The following MAPKAPK5 variants were observed in gnomAD, a reference collection of about 807,000 sequenced individuals.
MAPKAPK5 encodes MAP kinase-activated protein kinase 5.
MAPKAPK5 carries 30 observed loss-of-function variants against 65.1 expected under a neutral mutation model. That is an observed-to-expected ratio of 0.46 (90% CI 0.34 to 0.63). The LOEUF (loss-of-function observed/expected upper bound fraction) is 0.63. MAPKAPK5 is among the 20% of genes least tolerant of loss of function. The pLI is 0.01. For synonymous variants in MAPKAPK5, 179 were observed against 204.6 expected, an observed-to-expected ratio of 0.87 and a Z score of 1.07; for missense variants, 433 against 581.4, an observed-to-expected ratio of 0.74 and a Z score of 2.63.
At chr12:111,844,808 A>G (rs1483379205) in intron 1 of MAPKAPK5, among the ~76,000 whole-genome samples, 3 of 152,224 alleles carry the variant, frequency 2.0e-5, no homozygotes, top group Non-Finnish European at 4.4e-5. Flanking sequence ...CCACTGTCTC[A>G]GGGAAGAGTA....
At chr12:111,892,918 C>T in intron 13 of MAPKAPK5, 49 bp from the exon 14 acceptor site, 1 of 1,371,424 alleles carries the variant, frequency 7.3e-7, no homozygotes, top group Non-Finnish European at 1.0e-6. Context: ...AAGAGTCTGC[C>T]ACCTCTCAAA....
At chr12:111,870,156 A>T in intron 5 of MAPKAPK5, 115 bp from the exon 6 acceptor site, 1 of 534,678 alleles carries the variant, frequency 1.9e-6, no homozygotes, top group Non-Finnish European at 3.2e-6. Flanking sequence ...TTAAAATTGA[A>T]AGTGAACGCA....
At chr12:111,844,970 C>G (rs187929898) in intron 1 of MAPKAPK5, among the ~76,000 whole-genome samples, 1 of 152,122 alleles carries the variant, frequency 6.6e-6, no homozygotes, top group South Asian at 2.1e-4. Context: ...TGTAGGCCAT[C>G]GTAAGAACTT....
At chr12:111,892,933 T>G in intron 13 of MAPKAPK5, 34 bp from the exon 14 acceptor site, 1 of 1,491,376 alleles carries the variant, frequency 6.7e-7, no homozygotes, top group Non-Finnish European at 9.1e-7. Flanking sequence ...CTCAAAGAAT[T>G]TGAGGACTGA....
rs1163585299 is a variant in MAPKAPK5, at chr12:111,880,487, G to C, written c.620G>C (p.Gly207Ala). The change falls in exon 8 of 14, where the codon GGC becomes GCC. Residue 207 changes from glycine to alanine, a missense_variant. Physicochemically the swap from Gly to Ala is moderately conservative, Grantham distance 60 (BLOSUM62 0). This residue lies in a region of MAPKAPK5 where 99 missense variants were observed against 185.8 expected (regional missense o/e 0.53). Coordinates refer to ENST00000550735, the MANE Select transcript of MAPKAPK5 (RefSeq NM_003668.4). Reference sequence around the variant, plus strand: ...AGAAGGCATCAGAAGGAGAAATCTGGCATCATACCTACCTCACCGACGCCC... The same window carrying C: ...AGAAGGCATCAGAAGGAGAAATCTGCCATCATACCTACCTCACCGACGCCC... ...AQRRHQKEKS[G>A]IIPTSPTPYT... The C allele has an allele frequency of 6.2e-7, 1 of 1,612,276 alleles. No individual in the cohort carries two copies. Among genetic ancestry groups the C allele is most frequent in the Non-Finnish European group, 8.5e-7 (1 of 1,179,284 alleles).
intron 1 of MAPKAPK5, among the ~76,000 whole-genome samples, chr12:111,855,863 T>A (rs572933114): frequency 6.6e-6 from 1 of 151,640 alleles, no homozygotes; most frequent in Non-Finnish European, 1.5e-5. Context: ...CTTTTTTTTT[T>A]TTTTTTCTTG....
chr12:111,899,660 C>G lies in MAPKAPK5; in HGVS notation c.*6599C>G, dbSNP rs776656555. 2 of 297,456 alleles carry G rather than the reference C, an allele frequency of 6.7e-6. No homozygotes were observed. The highest frequency in any genetic ancestry group is 1.4e-5 in the Non-Finnish European group (2 of 147,694). The allele number at this position is 297,456 out of a possible 1,614,324, so 18.4% of individuals were successfully genotyped here. On this transcript the variant is annotated 3_prime_UTR_variant, in exon 14 of 14. Coordinates refer to ENST00000550735, the MANE Select transcript of MAPKAPK5 (RefSeq NM_003668.4). ...CAGTCTACAGTTACCACAATGGCCTCCTGGGGCAAGAATCGCCTTTCATCT... is the reference window on the plus strand; with the variant it reads ...CAGTCTACAGTTACCACAATGGCCTGCTGGGGCAAGAATCGCCTTTCATCT...
At chr12:111,865,373 T>G in intron 2 of MAPKAPK5, 50 bp downstream of exon 2, 1 of 1,280,278 alleles carries the variant, frequency 7.8e-7, no homozygotes, top group South Asian at 1.3e-5. Flanking sequence ...ATGTGCAAAC[T>G]CTGAGAAGGG....
chr12:111,873,989 G>A (rs2069868971), intron 7 of MAPKAPK5, among the ~76,000 whole-genome samples: 1 of 152,040 alleles, frequency 6.6e-6, no homozygotes, highest in South Asian at 2.1e-4. Context: ...CATTTGTTTA[G>A]GTCTTTAATT....
chr12:111,863,900 C>A (rs1041639826), intron 1 of MAPKAPK5, among the ~76,000 whole-genome samples: 1 of 151,946 alleles, frequency 6.6e-6, no homozygotes, highest in Non-Finnish European at 1.5e-5. Flanking sequence ...CCACTGTGCC[C>A]GGCAGGATTT....
At chr12:111,867,699 C>A in intron 4 of MAPKAPK5, 30 bp downstream of exon 4, 2 of 1,542,292 alleles carry the variant, frequency 1.3e-6, no homozygotes, top group Non-Finnish European at 1.8e-6. Flanking sequence ...TCATCAAATG[C>A]CCACATGTAG....
rs2136047402 is a variant in MAPKAPK5, at chr12:111,842,466, G to A, written c.-268G>A. 3 of 304,826 alleles carry A rather than the reference G, an allele frequency of 9.8e-6. No homozygotes were observed. The East Asian group carries it at 1.6e-4, about 16-fold the overall frequency. The allele number at this position is 304,826 out of a possible 1,614,324, so 18.9% of individuals were successfully genotyped here. On this transcript the variant is annotated 5_prime_UTR_variant, in exon 1 of 14. Coordinates refer to ENST00000550735, the MANE Select transcript of MAPKAPK5 (RefSeq NM_003668.4). Reference sequence around the variant, plus strand: ...AGCCTGCCTCCCCAGCTGGGGATGAGGCTAGGAGGCGGCCGCGTGGGGCCC... The same window carrying A: ...AGCCTGCCTCCCCAGCTGGGGATGAAGCTAGGAGGCGGCCGCGTGGGGCCC...
intron 1 of MAPKAPK5, among the ~76,000 whole-genome samples, chr12:111,858,104 C>T (rs2069304651): frequency 6.6e-6 from 1 of 152,044 alleles, no homozygotes; most frequent in African/African-American, 2.4e-5. Flanking sequence ...GGAGTTTTGC[C>T]ATGTTGCCCA....
At chr12:111,857,775 T>C (rs1211029504) in intron 1 of MAPKAPK5, among the ~76,000 whole-genome samples, 3 of 152,256 alleles carry the variant, frequency 2.0e-5, no homozygotes, top group Non-Finnish European at 4.4e-5. Flanking sequence ...TACTGTCTTC[T>C]GGCTTGCATT....
rs764132402 is a variant in MAPKAPK5 at position 111,865,340 on chromosome 12, A to C, written c.110+17A>C. 2.6e-6 allele frequency: 4 copies of C among 1,561,780 alleles called. No homozygotes were observed. The East Asian group carries it at 9.2e-5, about 36-fold the overall frequency. ...TCCAGTTAGGTAAGAGATCCATATGAGAAACTATGGCAAATTGTTGGCATG... is the reference window on the plus strand; with the variant it reads ...TCCAGTTAGGTAAGAGATCCATATGCGAAACTATGGCAAATTGTTGGCATG... On this transcript the variant is annotated intron_variant, in intron 2 of 13. Transcript: ENST00000550735.
In MAPKAPK5 at chr12:111,870,322, C is replaced by T. The variant is rs1282723240; in HGVS notation, c.445C>T (p.Leu149Phe). The change falls in exon 6 of 14, where the codon CTC becomes TTC. Residue 149 changes from leucine to phenylalanine, a missense_variant. By Grantham distance (22) the Leu-to-Phe change is conservative. Coordinates refer to ENST00000550735, the MANE Select transcript of MAPKAPK5 (RefSeq NM_003668.4). ...CHLLNIAHRD[L>F]KPENLLFKDN... ...CTTGTTAAACATTGCGCACAGAGAC[C>T]TCAAGCCTGAAAATCTGCTTTTTAA... 32 of 1,610,620 alleles carry T rather than the reference C, an allele frequency of 2.0e-5. No individual in the cohort carries two copies. Among genetic ancestry groups the T allele is most frequent in the Non-Finnish European group, 2.5e-5 (29 of 1,177,254 alleles).
Position 111,901,711 on chromosome 12 carries a change from G to GAAAT in MAPKAPK5, c.*8652_*8655dup, listed in dbSNP as rs564398631. The GAAAT allele has an allele frequency of 1.3e-4, 33 of 255,642 alleles. No individual in the cohort carries two copies. The East Asian group carries it at 3.0e-3, about 23-fold the overall frequency. 15.8% of individuals were successfully genotyped at this position (255,642 alleles called of 1,614,324 possible). A position where few individuals can be genotyped will look rare whatever the true frequency, so the allele number is the denominator to read the frequency against. Reference sequence around the variant, plus strand: ...AGGAAGAATCAGATTCCTAAGGTTAGAAATAGGGAGATGAAGCCAAGTATA... The same window carrying GAAAT: ...AGGAAGAATCAGATTCCTAAGGTTAGAAATAAATAGGGAGATGAAGCCAAGTATA... On this transcript the variant is annotated 3_prime_UTR_variant, in exon 14 of 14. Transcript: ENST00000550735.
intron 1 of MAPKAPK5, among the ~76,000 whole-genome samples, chr12:111,856,409 C>CTT (rs1241020966): frequency 4.2e-4 from 55 of 129,692 alleles, no homozygotes; most frequent in South Asian, 9.9e-4. Context: ...TTTTTTCTTT[C>CTT]TTTTTTTTTT....
chr12:111,885,792 G>C, intron 9 of MAPKAPK5, 124 bp from the exon 10 acceptor site: 1 of 1,237,124 alleles, frequency 8.1e-7, no homozygotes, highest in Non-Finnish European at 1.1e-6. Flanking sequence ...GTGCTCTGCA[G>C]GTGGAAAGCC....
Sources: gnomAD v4.1 joint callset for allele counts (sites outside exome capture counted in the v4.1 genomes callset) on GRCh38, gnomAD v4.1.1 for gene constraint, gnomAD v4.1.1 regional missense constraint, MANE v1.5 for transcripts, NCBI Gene and HGNC (gene_info 2026-07-23, HGNC 2026-07-21) for gene names.